The following SRSF4 variants were observed in gnomAD, a reference collection of about 807,000 sequenced individuals.
The protein encoded by SRSF4 is serine and arginine rich splicing factor 4, also known as serine/arginine-rich splicing factor 4.
In SRSF4, 12 loss-of-function variants were observed where a neutral mutation model predicts 48.8. The observed-to-expected ratio is 0.25, with a 90% CI of 0.16 to 0.40. SRSF4 has a LOEUF of 0.40. SRSF4 is among the 10% of genes least tolerant of loss of function. The pLI is 1.00. For synonymous variants in SRSF4, 248 were observed against 232.5 expected (o/e 1.07, Z -0.61); for missense variants, 466 against 667.1 (o/e 0.70, Z 3.32).
intron 1 of SRSF4, among the ~76,000 whole-genome samples, chr1:29,174,146 G>A (rs1672797255): frequency 6.6e-6 from 1 of 150,762 alleles, no homozygotes; most frequent in South Asian, 2.1e-4. Context: ...CTGAGATCAT[G>A]CCACTGCACT....
chr1:29,178,095 T>G (rs1672896610), intron 1 of SRSF4, among the ~76,000 whole-genome samples: 1 of 151,808 alleles, frequency 6.6e-6, no homozygotes, highest in Admixed American at 6.6e-5. Flanking sequence ...AGATGGGGTT[T>G]CACCATGTTG....
chr1:29,149,688 GAAAA>G (rs35111206), intron 5 of SRSF4, among the ~76,000 whole-genome samples: 1 of 100,894 alleles, frequency 9.9e-6, no homozygotes. Context: ...CTTGAGGGGG[GAAAA>G]AAAAAAAAAA....
chr1:29,150,746 T>C (rs543928960), intron 4 of SRSF4, among the ~76,000 whole-genome samples: 10 of 152,314 alleles, frequency 6.6e-5, no homozygotes, highest in Admixed American at 6.5e-4. Context: ...TTATGTGCAC[T>C]GATGCCACTG....
chr1:29,178,196 G>C (rs1275723973), intron 1 of SRSF4, among the ~76,000 whole-genome samples: 1 of 151,714 alleles, frequency 6.6e-6, no homozygotes, highest in Non-Finnish European at 1.5e-5. Context: ...CACCGTGACC[G>C]GTCTAGACAA....
chr1:29,153,685 G>T (rs190935925), intron 4 of SRSF4, among the ~76,000 whole-genome samples: 1 of 143,312 alleles, frequency 7.0e-6, no homozygotes, highest in Non-Finnish European at 1.5e-5. Context: ...CACAACCTCC[G>T]CCTCCCAGGT....
At chr1:29,158,642 CAG>C (rs945079106) in intron 3 of SRSF4, among the ~76,000 whole-genome samples, 62 of 152,032 alleles carry the variant, frequency 4.1e-4, no homozygotes, top group African/African-American at 1.4e-3. Flanking sequence ...ACATTCTTTA[CAG>C]AGAGAAATTT....
At chr1:29,162,442 T>C (rs988241209) in intron 1 of SRSF4, among the ~76,000 whole-genome samples, 2 of 152,208 alleles carry the variant, frequency 1.3e-5, no homozygotes, top group African/African-American at 4.8e-5. Context: ...CAGAGACAAT[T>C]TTTCTTTTAA....
At chr1:29,167,071 A>T (rs115176918) in intron 1 of SRSF4, among the ~76,000 whole-genome samples, 4,081 of 152,278 alleles carry the variant, frequency 0.027, 163 homozygotes, top group African/African-American at 0.093. Context: ...CTGGGCCTTC[A>T]GGGCTGTCTC....
chr1:29,173,145 T>A (rs1558392897), intron 1 of SRSF4: 1 of 138,568 alleles, frequency 7.2e-6, no homozygotes, highest in African/African-American at 2.7e-5. Flanking sequence ...TTTTTTTTTT[T>A]TTTTTTTTTT....
At chr1:29,179,519 G>T (rs964489400) in intron 1 of SRSF4, among the ~76,000 whole-genome samples, 1 of 151,970 alleles carries the variant, frequency 6.6e-6, no homozygotes. Flanking sequence ...GTCACCACGC[G>T]TGGCTAATTA....
chr1:29,176,501 A>G (rs1036339016), intron 1 of SRSF4, among the ~76,000 whole-genome samples: 1 of 151,894 alleles, frequency 6.6e-6, no homozygotes, highest in Non-Finnish European at 1.5e-5. Context: ...AAAAAAAAAA[A>G]AAGAAAAAAA....
intron 1 of SRSF4, chr1:29,172,079 C>T (rs1463960147): frequency 5.3e-5 from 8 of 151,910 alleles, no homozygotes; most frequent in Admixed American, 5.2e-4. Context: ...TTAAATTCCC[C>T]ATATATTGGG....
Position 29,148,666 on chromosome 1 carries a change from G to C in SRSF4, c.1229C>G (p.Ser410Cys). The C allele has an allele frequency of 6.2e-7, 1 of 1,614,110 alleles. No homozygotes were observed. The highest frequency in any genetic ancestry group is 8.5e-7 in the Non-Finnish European group (1 of 1,180,008). ...DRSQSRSPSR[S>C]VSKEREHAKS... Reference sequence around the variant, plus strand: ...GGCATGTTCCCGCTCCTTTGACACGGAGCGGGATGGAGATCTGGACTGGGA... The same window carrying C: ...GGCATGTTCCCGCTCCTTTGACACGCAGCGGGATGGAGATCTGGACTGGGA... Residue 410 changes from serine (S) to cysteine (C), a missense_variant, in exon 6 of 6, where the codon TCC becomes TGC. Coordinates refer to ENST00000373795, the MANE Select transcript of SRSF4 (RefSeq NM_005626.5).
intron 1 of SRSF4, chr1:29,169,206 T>C (rs1279949243): frequency 6.6e-6 from 1 of 152,172 alleles, no homozygotes; most frequent in East Asian, 1.9e-4. Flanking sequence ...AGAAACTAAC[T>C]TAGAGGAGTT....
At chr1:29,181,036 CTCTTGCAGAGGGAACGGTGAAGGCT>C in intron 1 of SRSF4, among the ~76,000 whole-genome samples, 1 of 152,322 alleles carries the variant, frequency 6.6e-6, no homozygotes, top group Admixed American at 6.5e-5. Flanking sequence ...CTTTAATTTA[CTCTTGCAGAGGGAACGGTGAAGGCT>C]TTCAGCACGG....
intron 1 of SRSF4, among the ~76,000 whole-genome samples, chr1:29,168,024 T>TG (rs1317757935): frequency 2.2e-5 from 3 of 136,104 alleles, no homozygotes; most frequent in Non-Finnish European, 4.8e-5. Context: ...TTTTTTTTTT[T>TG]TTTTTAAAAA....
rs1672357243 is a variant in SRSF4 at position 29,148,994 on chromosome 1, G to A, written c.901C>T (p.Arg301Trp). The A allele has an allele frequency of 6.2e-7, 1 of 1,613,364 alleles. No individual in the cohort carries two copies. Among genetic ancestry groups the A allele is most frequent in the Non-Finnish European group, 8.5e-7 (1 of 1,179,928 alleles). ...PSRHKSKSKS[R>W]SRSQERRVEE... The stretch of plus-strand genomic sequence containing the variant: ...ACTCTCCTCTCCTGACTCCTGCTCC[G>A]ACTTTTGCTCTTACTTTTATGCCTG... The change falls in exon 6 of 6, where the codon CGG (arginine) becomes TGG (tryptophan). Residue 301 changes from arginine to tryptophan, a missense_variant. Arg to Trp is a moderately radical substitution (Grantham distance 101). This residue lies in a region of SRSF4 where 402 missense variants were observed against 437.0 expected (regional missense o/e 0.92). Coordinates refer to ENST00000373795, the MANE Select transcript of SRSF4 (RefSeq NM_005626.5).
At chr1:29,172,230 CTA>C (rs1435089518) in intron 1 of SRSF4, 1 of 152,090 alleles carries the variant, frequency 6.6e-6, no homozygotes, top group African/African-American at 2.4e-5. Context: ...AGTCCTATCT[CTA>C]TTTATTATTC....
At chr1:29,154,462 T>C (rs2151813636) in intron 4 of SRSF4, 1 of 498,828 alleles carries the variant, frequency 2.0e-6, no homozygotes, top group Non-Finnish European at 3.5e-6. Context: ...CCCAAAGTGC[T>C]GGGATTACAG....
Sources: allele counts gnomAD v4.1 joint callset (sites outside exome capture counted in the v4.1 genomes callset), GRCh38; gene constraint gnomAD v4.1.1; regional missense constraint gnomAD v4.1.1; transcripts MANE v1.5; gene names NCBI Gene and HGNC (gene_info 2026-07-23, HGNC 2026-07-21).